Variants in KCNC2 observed in about 807,000 individuals in gnomAD.
KCNC2 encodes the protein potassium voltage-gated channel subfamily C member 2, also known as voltage-gated potassium channel KCNC2.
A neutral mutation model predicts 44.5 loss-of-function variants in KCNC2; 21 were observed. The ratio of observed to expected loss-of-function variants is 0.47; its 90% confidence interval spans 0.33 to 0.68. KCNC2 has a LOEUF of 0.68. Among genes scored for constraint, KCNC2 ranks in the 30% least tolerant of loss-of-function variants. The pLI is 0.01. For missense variants in KCNC2, 589 were observed against 826.2 expected (o/e 0.71, Z 3.52); for synonymous variants, 391 against 339.1 (o/e 1.15, Z -1.68).
intron 2 of KCNC2, among the ~76,000 whole-genome samples, chr12:75,120,435 C>A (rs1396046976): frequency 6.6e-6 from 1 of 152,190 alleles, no homozygotes; most frequent in Non-Finnish European, 1.5e-5. Flanking sequence ...TGGTATTGCA[C>A]ATAGCAGCAT....
At chr12:75,047,629 G>A (rs953049096) in intron 4 of KCNC2, among the ~76,000 whole-genome samples, 4 of 151,930 alleles carry the variant, frequency 2.6e-5, no homozygotes, top group Admixed American at 2.6e-4. Context: ...TGCGGATCAC[G>A]AGCCTTTGCA....
chr12:75,049,247 A>G (rs1880902746), intron 3 of KCNC2, among the ~76,000 whole-genome samples: 1 of 152,142 alleles, frequency 6.6e-6, no homozygotes, highest in Non-Finnish European at 1.5e-5. Context: ...TAAAATTTCT[A>G]GAAGCTAAGG....
In KCNC2 at chr12:75,048,227, T is replaced by C. The variant is rs147042091; in HGVS notation, c.1706A>G (p.Asn569Ser). 2.5e-3 allele frequency: 4,105 copies of C among 1,613,000 alleles called. 115 individuals carry two copies. The highest frequency in any genetic ancestry group is 1.9e-4 in the Non-Finnish European group (225 of 1,179,350). ...PIRRSSTRDK[N>S]RRGETCFLLT... ...TAGGAAACATGTTTCCCCTCTTCTG[T>C]TTTTGTCTCTGGTACTAGAGCGTCT... Residue 569 changes from asparagine (N) to serine (S), a missense_variant, in exon 4 of 5, where the codon AAC becomes AGC. Transcript: ENST00000549446.
intron 4 of KCNC2, among the ~76,000 whole-genome samples, chr12:75,045,321 C>A (rs938604362): frequency 6.6e-6 from 1 of 151,928 alleles, no homozygotes; most frequent in Admixed American, 6.6e-5. Flanking sequence ...GGTTGCCATT[C>A]TAAATGTTAT....
At chr12:75,137,249 GATC>G (rs1889298887) in intron 2 of KCNC2, among the ~76,000 whole-genome samples, 1 of 151,964 alleles carries the variant, frequency 6.6e-6, no homozygotes, top group Non-Finnish European at 1.5e-5. Context: ...ACTCCTCAAG[GATC>G]TCATCCTCAG....
chr12:75,175,403 T>C (rs61932893), intron 2 of KCNC2, among the ~76,000 whole-genome samples: 11,941 of 152,064 alleles, frequency 0.079, 537 homozygotes, highest in Admixed American at 0.14. Flanking sequence ...GTAGAGATTA[T>C]ATATGTGGGG....
chr12:75,147,744 G>C (rs1002331944), intron 2 of KCNC2, among the ~76,000 whole-genome samples: 3 of 152,054 alleles, frequency 2.0e-5, no homozygotes, highest in African/African-American at 7.2e-5. Context: ...ATAGATCCTA[G>C]GGCTTCTTTC....
At chr12:75,208,058 C>T (rs983621407) in intron 1 of KCNC2, 56 bp from the exon 2 acceptor site, 1 of 1,588,892 alleles carries the variant, frequency 6.3e-7, no homozygotes, top group Non-Finnish European at 8.5e-7. Flanking sequence ...AAAGACACAC[C>T]ATGACCCCCA....
intron 2 of KCNC2, among the ~76,000 whole-genome samples, chr12:75,073,807 T>G (rs1369576429): frequency 6.6e-6 from 1 of 152,200 alleles, no homozygotes; most frequent in Non-Finnish European, 1.5e-5. Context: ...TTATCATTCC[T>G]ATATTGCCAT....
intron 2 of KCNC2, among the ~76,000 whole-genome samples, chr12:75,203,259 T>G (rs977169060): frequency 9.9e-5 from 15 of 151,944 alleles, no homozygotes; most frequent in African/African-American, 3.1e-4. Flanking sequence ...TTTTGTGGCT[T>G]GGCGAAGAGG....
intron 2 of KCNC2, among the ~76,000 whole-genome samples, chr12:75,155,498 T>C (rs1592986218): frequency 6.6e-6 from 1 of 151,766 alleles, no homozygotes; most frequent in Admixed American, 6.6e-5. Context: ...TGTACTGAGT[T>C]TCAACCAATT....
intron 2 of KCNC2, among the ~76,000 whole-genome samples, chr12:75,118,100 A>G (rs560766303): frequency 6.6e-6 from 1 of 152,314 alleles, no homozygotes; most frequent in African/African-American, 2.4e-5. Context: ...TGGCATTTTT[A>G]GAGCTTCACA....
At chr12:75,060,750 C>G (rs1404349295) in intron 2 of KCNC2, among the ~76,000 whole-genome samples, 1 of 152,118 alleles carries the variant, frequency 6.6e-6, no homozygotes, top group Non-Finnish European at 1.5e-5. Context: ...GGATTATAGG[C>G]ATGCACTACT....
chr12:75,073,601 C>G (rs1883628992), intron 2 of KCNC2, among the ~76,000 whole-genome samples: 1 of 152,162 alleles, frequency 6.6e-6, no homozygotes, highest in South Asian at 2.1e-4. Flanking sequence ...ATTTGAAAGA[C>G]TGCACTTAAG....
intron 3 of KCNC2, among the ~76,000 whole-genome samples, chr12:75,049,293 G>A (rs1299200560): frequency 5.9e-5 from 9 of 151,882 alleles, no homozygotes; most frequent in Admixed American, 5.9e-4. Context: ...TTTTTTGTTA[G>A]TTTGCTTTGT....
At chr12:75,084,815 G>T (rs1199910823) in intron 2 of KCNC2, among the ~76,000 whole-genome samples, 1 of 151,862 alleles carries the variant, frequency 6.6e-6, no homozygotes, top group South Asian at 2.1e-4. Flanking sequence ...AACTATTTAA[G>T]CATATTCATT....
At chr12:75,133,734 C>A (rs1889023867) in intron 2 of KCNC2, among the ~76,000 whole-genome samples, 1 of 151,840 alleles carries the variant, frequency 6.6e-6, no homozygotes, top group African/African-American at 2.4e-5. Context: ...AGAATCTAGG[C>A]CTTATATGCA....
intron 2 of KCNC2, among the ~76,000 whole-genome samples, chr12:75,196,905 C>T (rs570432796): frequency 1.1e-3 from 162 of 152,096 alleles, no homozygotes; most frequent in African/African-American, 3.3e-3. Flanking sequence ...TACAGGTAAC[C>T]AGTTCTAATA....
chr12:75,142,265 C>G (rs1390416215), intron 2 of KCNC2, among the ~76,000 whole-genome samples: 2 of 152,088 alleles, frequency 1.3e-5, no homozygotes, highest in African/African-American at 2.4e-5. Flanking sequence ...ACAAACAAAA[C>G]AAAGAGATAA....
Sources: gnomAD v4.1 joint callset for allele counts (sites outside exome capture counted in the v4.1 genomes callset) on GRCh38, gnomAD v4.1.1 for gene constraint, MANE v1.5 for transcripts, NCBI Gene and HGNC (gene_info 2026-07-23, HGNC 2026-07-21) for gene names.